Variants in FAM217B observed in about 807,000 individuals in gnomAD.
The protein encoded by FAM217B is family with sequence similarity 217 member B, also known as protein FAM217B.
For synonymous variants in FAM217B, 163 were observed against 173.0 expected, an observed-to-expected ratio of 0.94 and a Z score of 0.45; for missense variants, 463 against 456.9, an observed-to-expected ratio of 1.01 and a Z score of -0.12.
At chr20:59,936,424 G>A (rs186688708), upstream of FAM217B, among the ~76,000 whole-genome samples, 1 of 152,226 alleles carries the variant, frequency 6.6e-6, no homozygotes, top group Non-Finnish European at 1.5e-5. Flanking sequence ...CAAAATAAAT[G>A]TAAGTTTTCT....
At chr20:59,939,115 G>C, upstream of FAM217B, 3 of 1,603,962 alleles carry the variant, frequency 1.9e-6, no homozygotes, top group Non-Finnish European at 2.5e-6. Flanking sequence ...CTGTAGTCTC[G>C]GTGGTCGTTG....
chr20:59,939,075 A>G (rs778473475), upstream of FAM217B: 3 of 1,577,430 alleles, frequency 1.9e-6, no homozygotes, highest in Non-Finnish European at 2.6e-6. Context: ...CCCGCGAGGC[A>G]TGTGCAGCGC....
chr20:59,943,446 C>T (rs1421278965), intron 3 of FAM217B, among the ~76,000 whole-genome samples: 1 of 152,164 alleles, frequency 6.6e-6, no homozygotes, highest in Non-Finnish European at 1.5e-5. Flanking sequence ...TCAGAATCGC[C>T]ACCAATCAGT....
upstream of FAM217B, chr20:59,939,411 C>G (rs142381631): frequency 1.9e-6 from 3 of 1,610,724 alleles, no homozygotes; most frequent in South Asian, 3.3e-5. Flanking sequence ...CACGAGCTGC[C>G]GCTGCAGGCG....
chr20:59,936,354 A>G (rs570422486), upstream of FAM217B, among the ~76,000 whole-genome samples: 2 of 152,352 alleles, frequency 1.3e-5, no homozygotes, highest in South Asian at 4.1e-4. Context: ...TAACATTCAG[A>G]ATTAAATGAA....
intron 1 of FAM217B, among the ~76,000 whole-genome samples, chr20:59,935,042 A>G (rs2145941446): frequency 6.6e-6 from 1 of 152,328 alleles, no homozygotes; most frequent in East Asian, 1.9e-4. Flanking sequence ...CAGGGATTTG[A>G]GGGGATTTTA....
Position 59,944,172 on chromosome 20 carries a change from C to T in FAM217B, c.229C>T (p.Leu77Phe). 1.2e-6 allele frequency: 2 copies of T among 1,614,104 alleles called. No homozygotes were observed. The highest frequency in any genetic ancestry group is 1.3e-5 in the African/African-American group (1 of 75,012). ...GGGGGCCTCAGGGAATAAACTGTTT[C>T]TTGATTTTCAGTCAATGAAAATTAT... ...CQGASGNKLF[L>F]DFQSMKIIKE... is the part of the protein sequence containing the mutation. The change falls in exon 4 of 4, where the codon CTT (leucine) becomes TTT (phenylalanine). Residue 77 changes from leucine (L) to phenylalanine (F), a missense_variant. Physicochemically the swap from Leu to Phe is conservative, Grantham distance 22. Transcript: ENST00000360816.
rs377489576 is a variant in FAM217B at position 59,944,402 on chromosome 20, G to C, written c.459G>C (p.Trp153Cys). Reference sequence around the variant, plus strand: ...TCCTTCCATCCCCTTTCAGCTCCTGGGACCTACGAGATATGGCCCTGCTTC... The same window carrying C: ...TCCTTCCATCCCCTTTCAGCTCCTGCGACCTACGAGATATGGCCCTGCTTC... ...PNFLPSPFSS[W>C]DLRDMALLLN... Residue 153 changes from tryptophan to cysteine, a missense_variant, in exon 4 of 4, where the codon TGG (tryptophan) becomes TGC (cysteine). Physicochemically the swap from Trp to Cys is radical, Grantham distance 215. Coordinates refer to ENST00000360816, the MANE Select transcript of FAM217B (RefSeq NM_022106.3). 30 of 1,613,756 alleles carry C rather than the reference G, an allele frequency of 1.9e-5. No individual in the cohort carries two copies. Among genetic ancestry groups the C allele is most frequent in the African/African-American group, 2.7e-5 (2 of 74,808 alleles).
intron 1 of FAM217B, among the ~76,000 whole-genome samples, chr20:59,941,282 C>T (rs553453493): frequency 6.6e-6 from 1 of 152,276 alleles, no homozygotes; most frequent in South Asian, 2.1e-4. Flanking sequence ...GAAAACCAGA[C>T]TAATGAAAGG....
upstream of FAM217B, chr20:59,939,047 C>A: frequency 6.5e-7 from 1 of 1,539,680 alleles, no homozygotes; most frequent in South Asian, 1.2e-5. Flanking sequence ...TGAAGTGGAT[C>A]CAGCTCTCTT....
At chr20:59,940,058 G>T, upstream of FAM217B, 1 of 727,404 alleles carries the variant, frequency 1.4e-6, no homozygotes, top group Non-Finnish European at 1.9e-6. Flanking sequence ...GACCTCTCGG[G>T]CCCGGTGCGC....
upstream of FAM217B, chr20:59,940,268 C>T (rs1392789281): frequency 4.9e-6 from 1 of 205,842 alleles, no homozygotes; most frequent in Admixed American, 6.1e-5. Context: ...GGAGCGGCCC[C>T]TCCCACTTTC....
chr20:59,933,788 C>T (rs1253263736), exon 1 of FAM217B: 1 of 150,810 alleles, frequency 6.6e-6, no homozygotes, highest in Non-Finnish European at 1.5e-5. Flanking sequence ...CGCCAACGCT[C>T]GCCGGGGTCG....
At chr20:59,943,841 A>C in intron 3 of FAM217B, 99 bp from the exon 4 acceptor site, 1 of 1,008,546 alleles carries the variant, frequency 9.9e-7, no homozygotes. Flanking sequence ...TAGCTGAGAC[A>C]AAAAAAAGTA....
At chr20:59,934,090 A>G (rs1234629729) in intron 1 of FAM217B, among the ~76,000 whole-genome samples, 2 of 152,098 alleles carry the variant, frequency 1.3e-5, no homozygotes, top group Non-Finnish European at 2.9e-5. Flanking sequence ...CCGCGGCTCC[A>G]GCCAGCCCTG....
chr20:59,944,548 AG>A lies in FAM217B; in HGVS notation c.611del (p.Gly204AlafsTer15). 2.5e-6 allele frequency: 4 copies of A among 1,614,052 alleles called. No homozygotes were observed. The highest frequency in any genetic ancestry group is 3.4e-6 in the Non-Finnish European group (4 of 1,180,016). On this transcript the variant is annotated frameshift_variant, in exon 4 of 4. Transcript: ENST00000360816. LOFTEE classifies it low-confidence loss of function (END_TRUNC). ...CAGACTGTACAGTGTGAAAAAGCAA[AG>A]GGGGGCAAAGCAAGGCCCCCCACTG... Reference protein sequence around the residue: ...QVQTVQCEKAKGGKARPPTAP... With the variant: ...QVQTVQCEKAXGGKARPPTAP...
In FAM217B at chr20:59,944,403, G is replaced by A; in HGVS notation, c.460G>A (p.Asp154Asn). The A allele has an allele frequency of 6.2e-7, 1 of 1,613,928 alleles. No homozygotes were observed. Residue 154 changes from aspartate to asparagine, a missense_variant, in exon 4 of 4, where the codon GAC becomes AAC. Transcript: ENST00000360816. ...CCTTCCATCCCCTTTCAGCTCCTGGGACCTACGAGATATGGCCCTGCTTCT... is the reference window on the plus strand; with the variant it reads ...CCTTCCATCCCCTTTCAGCTCCTGGAACCTACGAGATATGGCCCTGCTTCT... ...NFLPSPFSSW[D>N]LRDMALLLNA...
At chr20:59,943,067 A>G (rs949999075) in intron 3 of FAM217B, among the ~76,000 whole-genome samples, 1 of 152,238 alleles carries the variant, frequency 6.6e-6, no homozygotes. Flanking sequence ...TATTCATTCT[A>G]TCTGACTTAT....
upstream of FAM217B, chr20:59,940,299 C>G (rs544063591): frequency 1.1e-5 from 2 of 176,136 alleles, no homozygotes; most frequent in African/African-American, 4.8e-5. Flanking sequence ...GCGTTACTTA[C>G]AAGGCTGCAA....
Sources: allele counts gnomAD v4.1 joint callset (sites outside exome capture counted in the v4.1 genomes callset), GRCh38; gene constraint gnomAD v4.1.1; transcripts MANE v1.5; gene names NCBI Gene and HGNC (gene_info 2026-07-23, HGNC 2026-07-21).